CTNNA2: variants seen among roughly 807,000 people sequenced by gnomAD.
CTNNA2 encodes the protein catenin alpha-2.
CTNNA2 carries 42 observed loss-of-function variants against 101.0 expected under a neutral mutation model. That is an observed-to-expected ratio of 0.42 (90% CI 0.32 to 0.54). CTNNA2 has a LOEUF of 0.54. CTNNA2 is among the 20% of genes least tolerant of loss of function. CTNNA2 has a pLI of 0.14. For missense variants in CTNNA2, 871 were observed against 1,223.1 expected, an observed-to-expected ratio of 0.71 and a Z score of 4.29; for synonymous variants, 450 against 456.4, an observed-to-expected ratio of 0.99 and a Z score of 0.18.
At chr2:80,465,446 CG>C (rs1684773913) in intron 9 of CTNNA2, among the ~76,000 whole-genome samples, 1 of 152,136 alleles carries the variant, frequency 6.6e-6, no homozygotes, top group African/African-American at 2.4e-5. Context: ...GTGACAACAA[CG>C]TAAATTACTG....
At chr2:79,394,122 G>A (rs1678203912) in intron 4 of CTNNA2, among the ~76,000 whole-genome samples, 1 of 152,082 alleles carries the variant, frequency 6.6e-6, no homozygotes, top group Non-Finnish European at 1.5e-5. Flanking sequence ...GGGAGAAAGA[G>A]GCTTTTACGT....
intron 12 of CTNNA2, among the ~76,000 whole-genome samples, chr2:80,563,663 C>A (rs990314373): frequency 3.3e-5 from 5 of 152,068 alleles, no homozygotes. Context: ...AGGCATGAGC[C>A]CATCCCACTT....
At chr2:79,967,503 A>T (rs970379648) in intron 7 of CTNNA2, among the ~76,000 whole-genome samples, 1 of 152,132 alleles carries the variant, frequency 6.6e-6, no homozygotes, top group Non-Finnish European at 1.5e-5. Flanking sequence ...CAATTCTCCA[A>T]ATAGTAGCTA....
At chr2:79,887,898 C>T (rs1684005644) in intron 6 of CTNNA2, among the ~76,000 whole-genome samples, 1 of 152,112 alleles carries the variant, frequency 6.6e-6, no homozygotes, top group Non-Finnish European at 1.5e-5. Context: ...TAACTGGAAA[C>T]AAGCAGGAGC....
intron 9 of CTNNA2, among the ~76,000 whole-genome samples, chr2:80,523,187 C>T (rs1308622670): frequency 6.6e-6 from 1 of 151,992 alleles, no homozygotes; most frequent in Non-Finnish European, 1.5e-5. Context: ...TGAAAAAAAC[C>T]ACTTGTAGCA....
intron 7 of CTNNA2, among the ~76,000 whole-genome samples, chr2:80,194,031 G>A (rs11889355): frequency 0.024 from 3,633 of 152,206 alleles, 145 homozygotes; most frequent in African/African-American, 0.081. Context: ...TTACATTGTA[G>A]ATGAGATAAA....
At chr2:79,947,729 C>T (rs1057183316) in intron 7 of CTNNA2, among the ~76,000 whole-genome samples, 3 of 152,122 alleles carry the variant, frequency 2.0e-5, no homozygotes, top group Non-Finnish European at 2.9e-5. Flanking sequence ...ATAGGATACA[C>T]CCTCTGTTCC....
intron 7 of CTNNA2, among the ~76,000 whole-genome samples, chr2:80,243,045 G>A (rs1671058904): frequency 6.6e-6 from 1 of 152,202 alleles, no homozygotes; most frequent in Non-Finnish European, 1.5e-5. Flanking sequence ...GACTCCACAA[G>A]TATCGGTCAG....
intron 2 of CTNNA2, among the ~76,000 whole-genome samples, chr2:79,676,609 C>T (rs899120946): frequency 6.6e-6 from 1 of 152,108 alleles, no homozygotes; most frequent in South Asian, 2.1e-4. Context: ...ATACTCTGTC[C>T]AGATGCCCCC....
At chr2:79,413,966 T>G (rs1195416078) in intron 4 of CTNNA2, among the ~76,000 whole-genome samples, 1 of 109,444 alleles carries the variant, frequency 9.1e-6, no homozygotes, top group African/African-American at 3.1e-5. Context: ...TATATATATA[T>G]ATATATAAGC....
At chr2:80,219,560 G>T (rs1348731) in intron 7 of CTNNA2, among the ~76,000 whole-genome samples, 58,722 of 151,886 alleles carry the variant, frequency 0.39, 12,872 homozygotes, top group Non-Finnish European at 0.51. Flanking sequence ...ACCAGTCTGT[G>T]TCCAGACTAC....
chr2:80,455,711 C>A (rs567943388), intron 9 of CTNNA2, among the ~76,000 whole-genome samples: 1 of 152,126 alleles, frequency 6.6e-6, no homozygotes, highest in Admixed American at 6.6e-5. Flanking sequence ...GCTGTCCGTG[C>A]GACCTTTGAG....
chr2:80,409,523 GGA>G (rs939287052), intron 8 of CTNNA2, among the ~76,000 whole-genome samples: 29 of 152,184 alleles, frequency 1.9e-4, no homozygotes, highest in African/African-American at 6.5e-4. Flanking sequence ...GAAAGTGAGA[GGA>G]GATGGCTTGT....
intron 3 of CTNNA2, among the ~76,000 whole-genome samples, chr2:79,817,976 A>G (rs1677664701): frequency 1.3e-5 from 2 of 152,158 alleles, no homozygotes; most frequent in Admixed American, 1.3e-4. Context: ...CTAAAATCAC[A>G]TTTACCATTT....
At chr2:79,515,830 T>C (rs961685151) in intron 1 of CTNNA2, among the ~76,000 whole-genome samples, 3 of 152,164 alleles carry the variant, frequency 2.0e-5, no homozygotes, top group Non-Finnish European at 4.4e-5. Flanking sequence ...AAATACTTGA[T>C]ACAATAAAGA....
At chr2:79,665,810 TAG>T (rs1682375947) in intron 2 of CTNNA2, among the ~76,000 whole-genome samples, 1 of 152,236 alleles carries the variant, frequency 6.6e-6, no homozygotes, top group South Asian at 2.1e-4. Flanking sequence ...TTTTTATTTT[TAG>T]AATCTCCTGG....
chr2:79,604,398 C>G (rs1369819356), intron 1 of CTNNA2, among the ~76,000 whole-genome samples: 1 of 152,172 alleles, frequency 6.6e-6, no homozygotes, highest in Non-Finnish European at 1.5e-5. Flanking sequence ...ACTGCCCCAG[C>G]CTACTAGACT....
chr2:79,309,002 C>T (rs532989590), intron 2 of CTNNA2, among the ~76,000 whole-genome samples: 4 of 152,008 alleles, frequency 2.6e-5, no homozygotes, highest in African/African-American at 9.6e-5. Context: ...TTCCTGCTGC[C>T]CTATATTGTC....
Position 79,914,265 on chromosome 2 carries a change from T to TGG in CTNNA2, c.1056+4468_1056+4469insGG, listed in dbSNP as rs1300897317. 1.5e-3 allele frequency among the ~76,000 whole-genome samples: 231 copies of TGG among 151,124 alleles called. 1 individual carries two copies. The highest frequency in any genetic ancestry group is 5.3e-3 in the African/African-American group (217 of 41,172). ...TTGAAAGGGGAGTTAAGTAGAAAAA[T>TGG]TTTGTTTCAACGTTGTATCACCAAA... On this transcript the variant is annotated intron_variant, in intron 7 of 18. Transcript: ENST00000402739.
Sources: allele counts gnomAD v4.1 joint callset (sites outside exome capture counted in the v4.1 genomes callset), GRCh38; gene constraint gnomAD v4.1.1; transcripts MANE v1.5; gene names NCBI Gene and HGNC (gene_info 2026-07-23, HGNC 2026-07-21).